Variants in ARID4B observed in about 807,000 individuals in gnomAD.
ARID4B encodes the protein AT-rich interaction domain 4B, also known as AT-rich interactive domain-containing protein 4B.
A neutral mutation model predicts 147.5 loss-of-function variants in ARID4B; 26 were observed. The observed-to-expected ratio is 0.18, with a 90% confidence interval of 0.13 to 0.24. The LOEUF is 0.24. ARID4B is among the 10% of genes least tolerant of loss of function. The pLI, the probability that ARID4B is intolerant of heterozygous loss-of-function variation, is 1.00. For synonymous variants in ARID4B, 512 were observed against 507.9 expected (o/e 1.01, Z -0.11); for missense variants, 1,179 against 1,511.5 (o/e 0.78, Z 3.65).
chr1:235,201,388 C>T (rs983377953), intron 17 of ARID4B, among the ~76,000 whole-genome samples: 4 of 151,690 alleles, frequency 2.6e-5, no homozygotes, highest in Admixed American at 6.6e-5. Flanking sequence ...AGTGCGGTAG[C>T]GCCATCCTGG....
At chr1:235,215,534 T>C (rs545081963) in intron 16 of ARID4B, among the ~76,000 whole-genome samples, 2 of 147,934 alleles carry the variant, frequency 1.4e-5, no homozygotes, top group South Asian at 4.3e-4. Context: ...TATTACACCA[T>C]GCACACATAT....
chr1:235,202,362 G>A lies in ARID4B; in HGVS notation c.1842-6247C>T, dbSNP rs1666001717. 2.0e-5 allele frequency among the ~76,000 whole-genome samples: 3 copies of A among 151,626 alleles called. No individual in the cohort carries two copies. In the South Asian group the frequency reaches 6.3e-4, roughly 32 times the overall value. On this transcript the variant is annotated intron_variant, in intron 17 of 23. Coordinates refer to ENST00000264183, the MANE Select transcript of ARID4B (RefSeq NM_016374.6). ...ATGGAATCTAAACAAGTATCTTATT[G>A]AATATTTATCTAAAGTACTAAGGAA...
chr1:235,253,154 C>A (rs1669746017), intron 5 of ARID4B, among the ~76,000 whole-genome samples: 1 of 152,162 alleles, frequency 6.6e-6, no homozygotes, highest in South Asian at 2.1e-4. Flanking sequence ...TTCCTACTGA[C>A]AGATATTGAC....
chr1:235,314,965 C>T (rs2103288545), intron 2 of ARID4B, among the ~76,000 whole-genome samples: 1 of 152,236 alleles, frequency 6.6e-6, no homozygotes, highest in Admixed American at 6.5e-5. Context: ...ACTATGTTCT[C>T]ATAAGCAATT....
rs376465262 is a variant in ARID4B, at chr1:235,169,911, C to T, written c.3812-1259G>A. 6.6e-5 allele frequency among the ~76,000 whole-genome samples: 10 copies of T among 152,312 alleles called. No individual in the cohort carries two copies. In the East Asian group the frequency reaches 1.9e-3, roughly 29 times the overall value. On this transcript the variant is annotated intron_variant, in intron 23 of 23. Coordinates refer to ENST00000264183, the MANE Select transcript of ARID4B (RefSeq NM_016374.6). Reference sequence around the variant, plus strand: ...TCCTGACCTCAGGTGATCTGCCTGCCTTGGCTTCCCTAAGTGCTGGAATTA... The same window carrying T: ...TCCTGACCTCAGGTGATCTGCCTGCTTTGGCTTCCCTAAGTGCTGGAATTA...
intron 2 of ARID4B, among the ~76,000 whole-genome samples, chr1:235,323,878 T>A (rs1174325005): frequency 6.6e-6 from 1 of 151,964 alleles, no homozygotes; most frequent in East Asian, 1.9e-4. Flanking sequence ...TATAATGTGG[T>A]ACTGCTGATT....
At chr1:235,224,813 T>G in intron 11 of ARID4B, 38 bp from the exon 12 acceptor site, 1 of 1,357,376 alleles carries the variant, frequency 7.4e-7, no homozygotes, top group East Asian at 2.3e-5. Flanking sequence ...TTTCTTCAAT[T>G]AAGCATTTTA....
intron 8 of ARID4B, among the ~76,000 whole-genome samples, chr1:235,234,759 T>C (rs1668454723): frequency 6.6e-6 from 1 of 152,172 alleles, no homozygotes; most frequent in African/African-American, 2.4e-5. Context: ...AGGATGAAGC[T>C]GTGGACGAAG....
At chr1:235,278,172 T>G (rs1173585828) in intron 2 of ARID4B, among the ~76,000 whole-genome samples, 3 of 152,212 alleles carry the variant, frequency 2.0e-5, no homozygotes, top group Non-Finnish European at 4.4e-5. Context: ...TTTCAAAGCA[T>G]TCAATAGAAT....
At chr1:235,236,875 T>A (rs1378199938) in intron 8 of ARID4B, among the ~76,000 whole-genome samples, 16 of 88,846 alleles carry the variant, frequency 1.8e-4, no homozygotes, top group African/African-American at 6.8e-4. Context: ...TTTTTTTTTT[T>A]TTTTTTTTTT....
intron 11 of ARID4B, chr1:235,228,721 C>T (rs531710633): frequency 1.4e-3 from 203 of 150,312 alleles, no homozygotes; most frequent in Non-Finnish European, 2.6e-3. Flanking sequence ...TCTTGGCTCA[C>T]TGCAAGCTCC....
rs1279379614 is a variant in ARID4B, at chr1:235,181,681, C to G, written c.3238G>C (p.Asp1080His). The G allele has an allele frequency of 6.2e-7, 1 of 1,613,996 alleles. No individual in the cohort carries two copies. The highest frequency in any genetic ancestry group is 1.3e-5 in the African/African-American group (1 of 74,940). ...GAGCTATTCCCTTCAGACTGGAGGT[C>G]TTGGAGCTCCCCAGCAACACTATCC... ...EVDSVAGELQ[D>H]LQSEGNSSPA... The change falls in exon 20 of 24, where the codon GAC becomes CAC. Residue 1080 changes from aspartate (D) to histidine (H), a missense_variant. This residue lies in a region of ARID4B where 357 missense variants were observed against 427.3 expected (regional missense o/e 0.84). Transcript: ENST00000264183.
rs1665307799 is a variant in ARID4B, at chr1:235,194,003, TTA to T, written c.2125+8_2125+9del. On this transcript the variant is annotated splice_region_variant and intron_variant, in intron 19 of 23. Coordinates refer to ENST00000264183, the MANE Select transcript of ARID4B (RefSeq NM_016374.6). ...AAATACTTGCACAACAGAACGATTG[TTA>T]TGTTTACCTTGAAGTCCATTAAGGA... is the stretch of plus-strand genomic sequence containing the variant. 1.9e-6 allele frequency: 3 copies of T among 1,563,558 alleles called. No homozygotes were observed. Among genetic ancestry groups the T allele is most frequent in the South Asian group, 1.1e-5 (1 of 89,260 alleles).
Position 235,236,834 on chromosome 1 carries a change from A to ATATATATATATATATATATATATGTGTG in ARID4B, c.586-2343_586-2342insCACACATATATATATATATATATATATA, listed in dbSNP as rs1558233369. On this transcript the variant is annotated intron_variant, in intron 8 of 23. Transcript: ENST00000264183. ...GGCCCACAAAACGGTTTTATAAAAA[A>ATATATATATATATATATATATATGTGTG]TATATATATATATATATATATATAT... 1.9e-4 allele frequency among the ~76,000 whole-genome samples: 4 copies of ATATATATATATATATATATATATGTGTG among 21,158 alleles called. 1 individual carries two copies. The highest frequency in any genetic ancestry group is 4.3e-3 in the South Asian group (1 of 232). The allele number at this position is 21,158 out of a possible 152,430, so 13.9% of individuals were successfully genotyped here.
At chr1:235,241,500 T>A (rs545188453) in intron 7 of ARID4B, among the ~76,000 whole-genome samples, 6,096 of 152,232 alleles carry the variant, frequency 0.04, 450 homozygotes, top group African/African-American at 0.14. Context: ...TATTCCAATA[T>A]AAATGTAAAC....
chr1:235,278,959 T>C (rs553945607), intron 2 of ARID4B, among the ~76,000 whole-genome samples: 1 of 152,300 alleles, frequency 6.6e-6, no homozygotes, highest in South Asian at 2.1e-4. Flanking sequence ...TCACTCACTC[T>C]GTCACCCAGG....
intron 2 of ARID4B, among the ~76,000 whole-genome samples, chr1:235,268,096 GTGCAGTCC>G (rs1433286451): frequency 1.3e-5 from 2 of 152,122 alleles, no homozygotes. Flanking sequence ...CCACATGGAG[GTGCAGTCC>G]TGTGGCGGAG....
chr1:235,173,881 CA>C (rs1558166159), intron 22 of ARID4B, among the ~76,000 whole-genome samples: 1 of 124,132 alleles, frequency 8.1e-6, no homozygotes, highest in Non-Finnish European at 1.6e-5. Context: ...CTCACATATA[CA>C]AAAGTATAGA....
At chr1:235,286,561 C>A (rs1169649721) in intron 2 of ARID4B, among the ~76,000 whole-genome samples, 7 of 152,082 alleles carry the variant, frequency 4.6e-5, no homozygotes, top group African/African-American at 1.7e-4. Flanking sequence ...TGAAGGATGA[C>A]TGGTAATCTA....
Sources: gnomAD v4.1 joint callset for allele counts (sites outside exome capture counted in the v4.1 genomes callset) on GRCh38, gnomAD v4.1.1 for gene constraint, gnomAD v4.1.1 regional missense constraint, MANE v1.5 for transcripts, NCBI Gene and HGNC (gene_info 2026-07-23, HGNC 2026-07-21) for gene names.